Variants in PADI4 observed in about 807,000 individuals in gnomAD.
The protein encoded by PADI4 is peptidyl arginine deiminase 4, also known as protein-arginine deiminase type-4.
Under a neutral mutation model 75.0 loss-of-function variants are expected in PADI4, and 62 were observed. That is an observed-to-expected ratio of 0.83 (90% CI 0.67 to 1.02). The LOEUF is 1.02. Ranked by LOEUF, PADI4 falls within the 50% of genes least tolerant of loss-of-function variation. The pLI is 0.00. For missense variants in PADI4, 845 were observed against 850.5 expected (o/e 0.99, Z 0.08); for synonymous variants, 361 against 348.1 (o/e 1.04, Z -0.41).
In PADI4 at chr1:17,342,075, C is replaced by G; in HGVS notation, c.785C>G (p.Pro262Arg). ...CTCGCTTTCCCGGACACCGACTTCCCGGGGCTCATTACCCTCACCATCTCC... is the reference window on the plus strand; with the variant it reads ...CTCGCTTTCCCGGACACCGACTTCCGGGGGCTCATTACCCTCACCATCTCC... ...EALAFPDTDFPGLITLTISLL... is the reference protein window; with the variant it reads ...EALAFPDTDFRGLITLTISLL... Residue 262 changes from proline (P) to arginine (R), a missense_variant, in exon 7 of 16, where the codon CCG becomes CGG. Physicochemically the swap from Pro to Arg is moderately radical, Grantham distance 103. Transcript: ENST00000375448. The G allele has an allele frequency of 6.2e-7, 1 of 1,614,100 alleles. No homozygotes were observed. The highest frequency in any genetic ancestry group is 1.1e-5 in the South Asian group (1 of 91,084).
intron 5 of PADI4, among the ~76,000 whole-genome samples, chr1:17,338,528 G>A (rs1169598832): frequency 6.6e-6 from 1 of 152,196 alleles, no homozygotes; most frequent in Non-Finnish European, 1.5e-5. Context: ...CTCTGCCATA[G>A]GCCGGGCACG....
intron 10 of PADI4, among the ~76,000 whole-genome samples, chr1:17,349,984 G>A (rs141164666): frequency 8.1e-6 from 1 of 124,096 alleles, no homozygotes; most frequent in African/African-American, 2.6e-5. Flanking sequence ...GGGGCTGGCT[G>A]CTTCTCAGCC....
Position 17,326,902 on chromosome 1 carries a change from T to C in PADI4, c.93-4067T>C, listed in dbSNP as rs543569358. Among the ~76,000 whole-genome samples the C allele has an allele frequency of 4.4e-3, 460 of 104,128 alleles. 5 individuals are homozygous for C. Among genetic ancestry groups the C allele is most frequent in the African/African-American group, 0.016 (440 of 27,064 alleles). 68.3% of individuals were successfully genotyped at this position (104,128 alleles called of 152,430 possible). On this transcript the variant is annotated intron_variant, in intron 1 of 15. Coordinates refer to ENST00000375448, the MANE Select transcript of PADI4 (RefSeq NM_012387.3). The stretch of plus-strand genomic sequence containing the variant: ...TATTTCTATTAATGTTTGCCTTATA[T>C]GCTTTTTTTTTTTTTTTTGAGACAC...
chr1:17,329,428 G>C (rs1293025728), intron 1 of PADI4, among the ~76,000 whole-genome samples: 1 of 152,050 alleles, frequency 6.6e-6, no homozygotes, highest in Admixed American at 6.6e-5. Context: ...ATAAACAGTT[G>C]ATTAACAGAT....
At chr1:17,363,207 C>T (rs1431864942) in intron 15 of PADI4, among the ~76,000 whole-genome samples, 32 of 152,288 alleles carry the variant, frequency 2.1e-4, no homozygotes, top group Middle Eastern at 3.4e-3. Context: ...CAGCCTTGAC[C>T]TCCTGGGCTC....
At chr1:17,328,669 C>T (rs2074155338) in intron 1 of PADI4, among the ~76,000 whole-genome samples, 1 of 151,666 alleles carries the variant, frequency 6.6e-6, no homozygotes, top group Non-Finnish European at 1.5e-5. Flanking sequence ...ATAAGTTTAA[C>T]TCTAAAAAAT....
Position 17,358,861 on chromosome 1 carries a change from A to T in PADI4, c.1582A>T (p.Asn528Tyr). ...IKKKKQQKIK[N>Y]ILSNKTLREH... ...AGAAAAAAAACAGCAGAAAATAAAG[A>T]ACATTCTGTCAAACAAGACATTGAG... The change falls in exon 14 of 16, where the codon AAC becomes TAC. Residue 528 changes from asparagine to tyrosine, a missense_variant. Transcript: ENST00000375448. 6.2e-7 allele frequency: 1 copy of T among 1,607,166 alleles called. No homozygotes were observed. Among genetic ancestry groups the T allele is most frequent in the Non-Finnish European group, 8.5e-7 (1 of 1,176,028 alleles).
In PADI4 at chr1:17,363,809, G is replaced by A; in HGVS notation, c.*54G>A. On this transcript the variant is annotated 3_prime_UTR_variant, in exon 16 of 16. Coordinates refer to ENST00000375448, the MANE Select transcript of PADI4 (RefSeq NM_012387.3). Reference sequence around the variant, plus strand: ...CTGGCCAGATGTCGCTGGGTCCTCTGCAGTGTGGCAAGCAAGAGCTCTTGT... The same window carrying A: ...CTGGCCAGATGTCGCTGGGTCCTCTACAGTGTGGCAAGCAAGAGCTCTTGT... 7.8e-7 allele frequency: 1 copy of A among 1,278,218 alleles called. No homozygotes were observed. The highest frequency in any genetic ancestry group is 2.3e-5 in the East Asian group (1 of 42,792). 79.2% of individuals were successfully genotyped at this position (1,278,218 alleles called of 1,614,324 possible). A position where few individuals can be genotyped will look rare whatever the true frequency, so the allele number is the denominator to read the frequency against.
chr1:17,308,905 G>A, intron 1 of PADI4, among the ~76,000 whole-genome samples: 1 of 152,032 alleles, frequency 6.6e-6, no homozygotes, highest in East Asian at 1.9e-4. Flanking sequence ...CTGGTTATAG[G>A]AATTCAATGT....
At position 17,333,973 on chromosome 1, in the gene PADI4, C is replaced by G. The variant is rs34309058; in HGVS notation, c.304C>G (p.Pro102Ala). The G allele has an allele frequency of 1.7e-5, 27 of 1,612,802 alleles. No homozygotes were observed. Among genetic ancestry groups the G allele is most frequent in the Non-Finnish European group, 2.2e-5 (26 of 1,178,898 alleles). ...VQISYYGPKTPPVKALLYLTG... is the reference protein window; with the variant it reads ...VQISYYGPKTAPVKALLYLTG... ...GATTTCATACTACGGACCCAAGACT[C>G]CACCAGTCAAAGCTCTACTCTACCT... The change falls in exon 3 of 16, where the codon CCA becomes GCA. Residue 102 changes from proline (P) to alanine (A), a missense_variant. Transcript: ENST00000375448.
At chr1:17,351,967 C>CCAGGGAGGTGATGGGAGGAGAGGCAGT (rs2074640994) in intron 10 of PADI4, among the ~76,000 whole-genome samples, 6 of 48,510 alleles carry the variant, frequency 1.2e-4, no homozygotes, top group Admixed American at 4.1e-4. Context: ...GGAGAGGCGG[C>CCAGGGAGGTGATGGGAGGAGAGGCAGT]CAGGGAGGTG....
chr1:17,336,483 A>G (rs1024550733), intron 4 of PADI4, among the ~76,000 whole-genome samples: 5 of 152,252 alleles, frequency 3.3e-5, no homozygotes, highest in Non-Finnish European at 7.3e-5. Flanking sequence ...CAGTTAATAC[A>G]CAGCAGAGAG....
chr1:17,350,464 GA>G (rs2074598461), intron 10 of PADI4, among the ~76,000 whole-genome samples: 1 of 130,930 alleles, frequency 7.6e-6, no homozygotes, highest in Non-Finnish European at 1.7e-5. Context: ...TTGCATCACT[GA>G]AACTTGAATT....
intron 13 of PADI4, among the ~76,000 whole-genome samples, chr1:17,357,528 A>G (rs996667736): frequency 2.6e-5 from 4 of 152,206 alleles, no homozygotes; most frequent in South Asian, 2.1e-4. Flanking sequence ...TTTATCACAC[A>G]GTAGATTCCA....
Position 17,352,025 on chromosome 1 carries a change from G to A in PADI4, c.1156-2508G>A, listed in dbSNP as rs1342961906. Among the ~76,000 whole-genome samples the A allele has an allele frequency of 5.7e-3, 47 of 8,272 alleles. 5 individuals carry two copies. Among genetic ancestry groups the A allele is most frequent in the African/African-American group, 0.02 (28 of 1,396 alleles). The allele number at this position is 8,272 out of a possible 152,430, so 5.4% of individuals were successfully genotyped here. A position where few individuals can be genotyped will look rare whatever the true frequency, so the allele number is the denominator to read the frequency against. On this transcript the variant is annotated intron_variant, in intron 10 of 15. Coordinates refer to ENST00000375448, the MANE Select transcript of PADI4 (RefSeq NM_012387.3). ...AGGTGATGGGAGGAGAGGCGGCCAG[G>A]GAGGTGATGGGAGGAGAGGCAGTCA...
intron 8 of PADI4, among the ~76,000 whole-genome samples, chr1:17,344,272 G>A (rs1436464585): frequency 6.6e-6 from 1 of 152,178 alleles, no homozygotes; most frequent in East Asian, 1.9e-4. Context: ...TTTCTAAGCA[G>A]CAAGGCATTC....
chr1:17,334,424 T>TC (rs1455107640), intron 3 of PADI4: 1 of 460,594 alleles, frequency 2.2e-6, no homozygotes, highest in South Asian at 1.6e-5. Context: ...TGCTTCAGCG[T>TC]CCCTAGTAGC....
chr1:17,323,929 T>C (rs1041439764), intron 1 of PADI4, among the ~76,000 whole-genome samples: 1 of 152,094 alleles, frequency 6.6e-6, no homozygotes, highest in African/African-American at 2.4e-5. Context: ...TGGACGGAGT[T>C]CTGCCTCTCT....
At chr1:17,337,958 G>A (rs1438719375) in intron 4 of PADI4, 80 bp from the exon 5 acceptor site, 2 of 636,304 alleles carry the variant, frequency 3.1e-6, no homozygotes, top group Admixed American at 2.6e-5. Flanking sequence ...AAGAGGTGAT[G>A]GGGAGTTGCT....
Sources: gnomAD v4.1 joint callset for allele counts (sites outside exome capture counted in the v4.1 genomes callset) on GRCh38, gnomAD v4.1.1 for gene constraint, MANE v1.5 for transcripts, NCBI Gene and HGNC (gene_info 2026-07-23, HGNC 2026-07-21) for gene names.